The following ARG2 variants were observed in gnomAD, a reference collection of about 807,000 sequenced individuals.
ARG2 encodes arginase-2, mitochondrial.
ARG2 carries 21 observed loss-of-function variants against 39.4 expected under a neutral mutation model. The observed-to-expected ratio is 0.53, with a 90% CI of 0.38 to 0.77. The LOEUF is 0.77. Among genes scored for constraint, ARG2 ranks in the 30% least tolerant of loss-of-function variants. ARG2 has a pLI of 0.00. For synonymous variants in ARG2, 150 were observed against 156.7 expected (o/e 0.96, Z 0.32); for missense variants, 378 against 426.2 (o/e 0.89, Z 1.00).
At chr14:67,640,872 G>T (rs560493873) in intron 2 of ARG2, among the ~76,000 whole-genome samples, 8 of 152,308 alleles carry the variant, frequency 5.3e-5, no homozygotes, top group African/African-American at 1.9e-4. Context: ...CATAGTAAAG[G>T]ATAGAGGTTG....
rs189941155 is a variant in ARG2 at position 67,621,897 on chromosome 14, G to A, written c.184+931G>A. Among the ~76,000 whole-genome samples, 386 of 151,520 alleles carry A rather than the reference G, an allele frequency of 2.5e-3. 2 individuals are homozygous for A. Among genetic ancestry groups the A allele is most frequent in the African/African-American group, 8.7e-3 (361 of 41,368 alleles). On this transcript the variant is annotated intron_variant, in intron 2 of 7. Transcript: ENST00000261783. The stretch of plus-strand genomic sequence containing the variant: ...GGATCACCTGAGGTCAGGAGTTCGA[G>A]ACCAGCCTGACCAATATGGCGAAAT...
chr14:67,645,177 C>CT lies in ARG2; in HGVS notation c.363-454dup, dbSNP rs879488836. The stretch of plus-strand genomic sequence containing the variant: ...TAGACTGTACCATTTACCTAGATTT[C>CT]TTTTTTTTTTTTCATTTTTGGAGAC... On this transcript the variant is annotated intron_variant, in intron 3 of 7. Coordinates refer to ENST00000261783, the MANE Select transcript of ARG2 (RefSeq NM_001172.4). 3.2e-3 allele frequency among the ~76,000 whole-genome samples: 453 copies of CT among 143,454 alleles called. 2 individuals are homozygous for CT. The highest frequency in any genetic ancestry group is 5.9e-3 in the Admixed American group (84 of 14,278). 94.1% of individuals were successfully genotyped at this position (143,454 alleles called of 152,430 possible). A position where few individuals can be genotyped will look rare whatever the true frequency, so the allele number is the denominator to read the frequency against.
At chr14:67,636,810 G>T (rs2036976389) in intron 2 of ARG2, among the ~76,000 whole-genome samples, 1 of 152,194 alleles carries the variant, frequency 6.6e-6, no homozygotes, top group Non-Finnish European at 1.5e-5. Context: ...CTTTCACATT[G>T]TTCCAAATCT....
chr14:67,640,978 G>C (rs994183341), intron 2 of ARG2, among the ~76,000 whole-genome samples: 6 of 152,092 alleles, frequency 3.9e-5, no homozygotes, highest in African/African-American at 1.2e-4. Context: ...TGAACACACT[G>C]TATTAATGGT....
At chr14:67,645,961 A>G (rs936013638) in intron 4 of ARG2, among the ~76,000 whole-genome samples, 159 bp downstream of exon 4, 5 of 152,174 alleles carry the variant, frequency 3.3e-5, no homozygotes, top group African/African-American at 1.2e-4. Context: ...GCCAGATGCT[A>G]GGGGTATAAA....
chr14:67,645,303 C>T (rs957071685), intron 3 of ARG2, among the ~76,000 whole-genome samples: 7 of 152,040 alleles, frequency 4.6e-5, no homozygotes, highest in Non-Finnish European at 8.8e-5. Context: ...TGTACACCAT[C>T]TTGTCTGGCT....
At chr14:67,644,389 T>A (rs2037069958) in intron 3 of ARG2, among the ~76,000 whole-genome samples, 1 of 152,202 alleles carries the variant, frequency 6.6e-6, no homozygotes, top group Non-Finnish European at 1.5e-5. Flanking sequence ...GTCACACAGC[T>A]CTTCCAGGAC....
intron 2 of ARG2, among the ~76,000 whole-genome samples, chr14:67,641,438 G>T (rs1024020865): frequency 1.3e-5 from 2 of 152,198 alleles, no homozygotes; most frequent in East Asian, 3.8e-4. Flanking sequence ...CTTAATAGCT[G>T]TGTAACTTGG....
intron 2 of ARG2, among the ~76,000 whole-genome samples, chr14:67,626,950 CAAAG>C (rs2140719832): frequency 6.6e-6 from 1 of 152,132 alleles, no homozygotes; most frequent in South Asian, 2.1e-4. Context: ...CATGCTAAGT[CAAAG>C]AAGGCAGACA....
At chr14:67,648,785 A>G (rs1266009293) in intron 7 of ARG2, 2 of 152,214 alleles carry the variant, frequency 1.3e-5, no homozygotes, top group African/African-American at 4.8e-5. Context: ...AACAGTTTCC[A>G]TTTCTGTCAG....
At chr14:67,620,235 G>A (rs2036794206) in intron 1 of ARG2, 147 bp downstream of exon 1, 1 of 350,410 alleles carries the variant, frequency 2.9e-6, no homozygotes, top group Non-Finnish European at 5.4e-6. Context: ...CCGCTACTGG[G>A]CACCGTGGGA....
rs984532843 is a variant in ARG2 at position 67,646,629 on chromosome 14, T to C, written c.523-15T>C. 2 of 1,571,230 alleles carry C rather than the reference T, an allele frequency of 1.3e-6. No homozygotes were observed. Among genetic ancestry groups the C allele is most frequent in the Non-Finnish European group, 1.8e-6 (2 of 1,142,024 alleles). On this transcript the variant is annotated splice_polypyrimidine_tract_variant and intron_variant, in intron 4 of 7. Transcript: ENST00000261783. ...AGAATTCTTGATTAATCCTGTCCAT[T>C]TCTCCCTTTCATAGGTACCACAACT...
intron 2 of ARG2, among the ~76,000 whole-genome samples, chr14:67,638,480 A>G (rs935714742): frequency 2.0e-5 from 3 of 152,232 alleles, no homozygotes; most frequent in Non-Finnish European, 4.4e-5. Flanking sequence ...AGAGAATTTC[A>G]AAACAAAACA....
intron 2 of ARG2, among the ~76,000 whole-genome samples, chr14:67,621,425 A>G (rs553719078): frequency 6.6e-6 from 1 of 152,214 alleles, no homozygotes; most frequent in East Asian, 1.9e-4. Context: ...ATATAGAACT[A>G]ATAGGCTTAG....
chr14:67,623,133 A>G (rs928974750), intron 2 of ARG2, among the ~76,000 whole-genome samples: 1 of 152,168 alleles, frequency 6.6e-6, no homozygotes, highest in African/African-American at 2.4e-5. Flanking sequence ...GCTCAGTATC[A>G]CCAGCAGTCT....
In ARG2 at chr14:67,651,297, G is replaced by C. The variant is rs553543892; in HGVS notation, c.*377G>C. 3.5e-4 allele frequency: 567 copies of C among 1,604,174 alleles called. 2 individuals carry two copies. The highest frequency in any genetic ancestry group is 2.6e-3 in the Middle Eastern group (14 of 5,462). On this transcript the variant is annotated 3_prime_UTR_variant, in exon 8 of 8. Coordinates refer to ENST00000261783, the MANE Select transcript of ARG2 (RefSeq NM_001172.4). ...TGCATCCTTGAACTGTCAGCCCACA[G>C]CAGCAATATGCTTATTCTATCCACA... is the stretch of plus-strand genomic sequence containing the variant.
intron 7 of ARG2, 106 bp from the exon 8 acceptor site, chr14:67,650,609 G>A: frequency 1.0e-6 from 1 of 986,980 alleles, no homozygotes; most frequent in Non-Finnish European, 1.6e-6. Flanking sequence ...ACTATAAAAT[G>A]GACTCTTGTT....
chr14:67,645,558 G>A, intron 3 of ARG2, 85 bp from the exon 4 acceptor site: 2 of 1,484,584 alleles, frequency 1.3e-6, no homozygotes, highest in Non-Finnish European at 1.8e-6. Context: ...TGTGGAGAGA[G>A]TATAAGTTGT....
At chr14:67,641,162 C>G (rs2037026135) in intron 2 of ARG2, among the ~76,000 whole-genome samples, 1 of 152,084 alleles carries the variant, frequency 6.6e-6, no homozygotes, top group Non-Finnish European at 1.5e-5. Flanking sequence ...TGCACACAAA[C>G]TTTGTTTCAT....
Sources: gnomAD v4.1 joint callset for allele counts (sites outside exome capture counted in the v4.1 genomes callset) on GRCh38, gnomAD v4.1.1 for gene constraint, MANE v1.5 for transcripts, NCBI Gene and HGNC (gene_info 2026-07-23, HGNC 2026-07-21) for gene names.